The following CREB3L1 variants were observed in gnomAD, a reference collection of about 807,000 sequenced individuals.
The protein encoded by CREB3L1 is cAMP responsive element binding protein 3 like 1, also known as cyclic AMP-responsive element-binding protein 3-like protein 1.
In CREB3L1, 33 loss-of-function variants were observed where a neutral mutation model predicts 54.5. The observed-to-expected ratio is 0.61, with a 90% CI of 0.46 to 0.81. The LOEUF is 0.81. CREB3L1 is among the 30% of genes least tolerant of loss of function. The pLI is 0.00. For synonymous variants in CREB3L1, 284 were observed against 286.4 expected, an observed-to-expected ratio of 0.99 and a Z score of 0.08; for missense variants, 656 against 673.3, an observed-to-expected ratio of 0.97 and a Z score of 0.29.
intron 1 of CREB3L1, among the ~76,000 whole-genome samples, chr11:46,293,921 CTTG>C (rs1167930400): frequency 6.6e-6 from 1 of 152,106 alleles, no homozygotes; most frequent in East Asian, 1.9e-4. Flanking sequence ...ATGAGTGTGT[CTTG>C]TTGAGTTTGT....
chr11:46,294,879 G>T (rs1395370428), intron 1 of CREB3L1, among the ~76,000 whole-genome samples: 1 of 151,814 alleles, frequency 6.6e-6, no homozygotes, highest in African/African-American at 2.4e-5. Flanking sequence ...GCCCCAGCCT[G>T]CGGGGGGAAA....
At chr11:46,292,945 G>A (rs1291997295) in intron 1 of CREB3L1, among the ~76,000 whole-genome samples, 2 of 152,160 alleles carry the variant, frequency 1.3e-5, no homozygotes, top group African/African-American at 2.4e-5. Flanking sequence ...TTCATGTAAG[G>A]TGGAGAATGC....
chr11:46,320,437 A>G lies in CREB3L1; in HGVS notation c.1432A>G (p.Thr478Ala). Reference protein sequence around the residue: ...QHDHLDSTHETTKYLSEAWPK... With the variant: ...QHDHLDSTHEATKYLSEAWPK... The stretch of plus-strand genomic sequence containing the variant: ...TGATCACCTGGACAGCACCCACGAG[A>G]CCACCAAGTACCTGAGTGAGGCCTG... The change falls in exon 11 of 12, where the codon ACC becomes GCC. Residue 478 changes from threonine (T) to alanine (A), a missense_variant. By Grantham distance (58) the Thr-to-Ala change is moderately conservative. Coordinates refer to ENST00000621158, the MANE Select transcript of CREB3L1 (RefSeq NM_052854.4). The G allele has an allele frequency of 6.2e-7, 1 of 1,610,244 alleles. No homozygotes were observed.
chr11:46,305,857 C>T (rs1253399911), intron 2 of CREB3L1, among the ~76,000 whole-genome samples: 2 of 150,698 alleles, frequency 1.3e-5, no homozygotes, highest in Admixed American at 6.7e-5. Context: ...CCTGCCTCAG[C>T]GTCCCGAGTA....
intron 10 of CREB3L1, among the ~76,000 whole-genome samples, chr11:46,319,416 C>T (rs1397351789): frequency 6.6e-6 from 1 of 152,218 alleles, no homozygotes; most frequent in African/African-American, 2.4e-5. Flanking sequence ...CTAAAGAAAC[C>T]TCATTCCCTA....
intron 8 of CREB3L1, among the ~76,000 whole-genome samples, chr11:46,313,443 T>G (rs556359126): frequency 6.6e-6 from 1 of 152,106 alleles, no homozygotes; most frequent in African/African-American, 2.4e-5. Context: ...TCTCAGCACT[T>G]TGGGAGGATG....
At chr11:46,286,830 GAAGA>G (rs1238690362) in intron 1 of CREB3L1, among the ~76,000 whole-genome samples, 16 of 145,902 alleles carry the variant, frequency 1.1e-4, no homozygotes, top group Non-Finnish European at 1.6e-5. Flanking sequence ...AAGAAAGAAA[GAAGA>G]AAGAAAAAGA....
intron 1 of CREB3L1, among the ~76,000 whole-genome samples, chr11:46,287,357 G>A (rs1042040129): frequency 4.0e-5 from 6 of 151,826 alleles, no homozygotes; most frequent in African/African-American, 1.5e-4. Context: ...GGAGTGTAGT[G>A]GCACAAACAC....
chr11:46,312,230 G>A (rs1367659894), intron 5 of CREB3L1, 95 bp from the exon 6 acceptor site: 1 of 1,060,036 alleles, frequency 9.4e-7, no homozygotes, highest in Non-Finnish European at 1.3e-6. Context: ...AGAGCATTGT[G>A]TGCCTTGCCC....
chr11:46,288,022 G>C (rs564068822), intron 1 of CREB3L1, among the ~76,000 whole-genome samples: 2 of 151,552 alleles, frequency 1.3e-5, no homozygotes, highest in Admixed American at 6.6e-5. Flanking sequence ...CATCCCCTCG[G>C]GCATTTATCC....
rs762746623 is a variant in CREB3L1 at position 46,316,399 on chromosome 11, C to T, written c.1131+14C>T. ...ACCTGCCTCATGGTAGGTGTGGCTC[C>T]CTCCACCACAGACCCACAGGAGGAG... On this transcript the variant is annotated intron_variant, in intron 9 of 11. Transcript: ENST00000621158. 173 of 1,495,346 alleles carry T rather than the reference C, an allele frequency of 1.2e-4. No homozygotes were observed. The highest frequency in any genetic ancestry group is 1.5e-4 in the Non-Finnish European group (162 of 1,094,344). The allele number at this position is 1,495,346 out of a possible 1,614,324, so 92.6% of individuals were successfully genotyped here.
chr11:46,318,355 A>AGTAAACG (rs1187927710), intron 10 of CREB3L1, among the ~76,000 whole-genome samples: 1 of 152,212 alleles, frequency 6.6e-6, no homozygotes. Flanking sequence ...CAAGGGGGAT[A>AGTAAACG]GTAAACGTAC....
At chr11:46,304,710 G>A (rs1211602056) in intron 2 of CREB3L1, among the ~76,000 whole-genome samples, 1 of 151,600 alleles carries the variant, frequency 6.6e-6, no homozygotes, top group African/African-American at 2.4e-5. Flanking sequence ...CGGGCAGGGT[G>A]ACAGGGTCTT....
At chr11:46,311,508 T>A (rs1214058559) in intron 5 of CREB3L1, among the ~76,000 whole-genome samples, 2 of 151,212 alleles carry the variant, frequency 1.3e-5, no homozygotes, top group Non-Finnish European at 2.9e-5. Context: ...TTTTTTTTGT[T>A]TGTTTTTTTT....
chr11:46,300,241 TG>T lies in CREB3L1; in HGVS notation c.331+79del, dbSNP rs1939275964. On this transcript the variant is annotated intron_variant, in intron 2 of 11. Coordinates refer to ENST00000621158, the MANE Select transcript of CREB3L1 (RefSeq NM_052854.4). ...AGGAAGCTCTGGGGTGACAAGAGAG[TG>T]TGCCTGCAGCCTGAGACTCCCAGAG... 1.3e-5 allele frequency: 15 copies of T among 1,145,836 alleles called. No homozygotes were observed. In the East Asian group the frequency reaches 3.6e-4, roughly 27 times the overall value. The allele number at this position is 1,145,836 out of a possible 1,614,324, so 71.0% of individuals were successfully genotyped here.
In CREB3L1 at chr11:46,278,615, G is replaced by T. The variant is rs1227212374; in HGVS notation, c.102+402G>T. Among the ~76,000 whole-genome samples, 6 of 152,200 alleles carry T rather than the reference G, an allele frequency of 3.9e-5. No individual in the cohort carries two copies. Among genetic ancestry groups the T allele is most frequent in the Non-Finnish European group, 8.8e-5 (6 of 68,036 alleles). On this transcript the variant is annotated intron_variant, in intron 1 of 11. Coordinates refer to ENST00000621158, the MANE Select transcript of CREB3L1 (RefSeq NM_052854.4). The surrounding 1 kb of genome is among the most constrained non-coding windows in gnomAD (Gnocchi z 4.2). ...TCGGTGGCTCATAGGCTGGATCTCC[G>T]CTGGGGGGCGCACCGGGGAACGTTC...
intron 1 of CREB3L1, among the ~76,000 whole-genome samples, chr11:46,279,992 C>T (rs1488129724): frequency 1.3e-5 from 2 of 152,138 alleles, no homozygotes; most frequent in Non-Finnish European, 2.9e-5. Flanking sequence ...AGGAAAAGCC[C>T]TGCTGGGGAG....
At chr11:46,320,648 G>T in intron 11 of CREB3L1, 62 bp from the exon 12 acceptor site, 1 of 1,576,698 alleles carries the variant, frequency 6.3e-7, no homozygotes, top group Non-Finnish European at 8.6e-7. Context: ...TCTAGATCCA[G>T]CTTGCAGAGG....
intron 4 of CREB3L1, 111 bp downstream of exon 4, chr11:46,310,178 A>C (rs967290105): frequency 1.3e-6 from 1 of 756,716 alleles, no homozygotes; most frequent in Middle Eastern, 2.3e-4. Flanking sequence ...CCCCACCCAG[A>C]ATATCCTCTC....
Sources: allele counts gnomAD v4.1 joint callset (sites outside exome capture counted in the v4.1 genomes callset), GRCh38; gene constraint gnomAD v4.1.1; non-coding constraint Gnocchi (gnomAD v3.1); transcripts MANE v1.5; gene names NCBI Gene and HGNC (gene_info 2026-07-23, HGNC 2026-07-21).